Variants in NLRC5 observed in about 807,000 individuals in gnomAD.
NLRC5 encodes the protein protein NLRC5.
Under a neutral mutation model 206.9 loss-of-function variants are expected in NLRC5, and 114 were observed. The ratio of observed to expected loss-of-function variants is 0.55; its 90% confidence interval spans 0.47 to 0.64. The LOEUF (loss-of-function observed/expected upper bound fraction) is 0.64. Among genes scored for constraint, NLRC5 ranks in the 30% least tolerant of loss-of-function variants. The pLI is 0.00. For synonymous variants in NLRC5, 952 were observed against 962.8 expected (o/e 0.99, Z 0.21); for missense variants, 2,008 against 2,305.5 (o/e 0.87, Z 2.64).
intron 20 of NLRC5, among the ~76,000 whole-genome samples, chr16:57,045,067 T>C (rs1331686324): frequency 3.3e-5 from 5 of 151,712 alleles, no homozygotes; most frequent in Non-Finnish European, 7.4e-5. Flanking sequence ...TAGACAGTCA[T>C]GGTGGGGCGT....
chr16:57,066,664 G>C, intron 34 of NLRC5, 50 bp downstream of exon 34: 1 of 1,503,718 alleles, frequency 6.7e-7, no homozygotes, highest in Non-Finnish European at 9.2e-7. Flanking sequence ...GTTGGGGAGG[G>C]GGCAGGGCTG....
At chr16:57,016,463 A>G (rs1281817287) in intron 1 of NLRC5, among the ~76,000 whole-genome samples, 2 of 152,110 alleles carry the variant, frequency 1.3e-5, no homozygotes, top group African/African-American at 4.8e-5. Flanking sequence ...CATTTCCTCC[A>G]TGTACTCTGT....
At chr16:56,990,959 G>A (rs2056752401) in intron 1 of NLRC5, 1 of 152,160 alleles carries the variant, frequency 6.6e-6, no homozygotes, top group Non-Finnish European at 1.5e-5. Flanking sequence ...ACCTGCACAT[G>A]GTGTGGACGG....
chr16:57,077,187 T>A (rs1332969253), intron 40 of NLRC5, 109 bp from the exon 41 acceptor site: 2 of 955,294 alleles, frequency 2.1e-6, no homozygotes, highest in Non-Finnish European at 1.7e-6. Flanking sequence ...GGGCTCTCTG[T>A]GTGAGTCGAG....
chr16:57,016,421 A>G (rs560065498), intron 1 of NLRC5, among the ~76,000 whole-genome samples: 1 of 152,206 alleles, frequency 6.6e-6, no homozygotes, highest in Non-Finnish European at 1.5e-5. Context: ...CAGAGACACA[A>G]TCAGAGCACA....
At chr16:57,052,066 T>C (rs2064993036) in intron 24 of NLRC5, among the ~76,000 whole-genome samples, 1 of 152,110 alleles carries the variant, frequency 6.6e-6, no homozygotes, top group Admixed American at 6.5e-5. Context: ...CCTGTACTTA[T>C]CACATGCTGC....
intron 48 of NLRC5, 122 bp downstream of exon 48, chr16:57,081,732 C>T: frequency 1.3e-6 from 1 of 772,080 alleles, no homozygotes; most frequent in Admixed American, 2.5e-5. Flanking sequence ...GAGACTTGGA[C>T]CACTCCACCA....
intron 26 of NLRC5, 30 bp from the exon 27 acceptor site, chr16:57,055,403 C>G: frequency 1.2e-6 from 2 of 1,606,154 alleles, no homozygotes; most frequent in Non-Finnish European, 1.7e-6. Context: ...AACGCCCCAT[C>G]CCCTGCTTGT....
Position 57,067,919 on chromosome 16 carries a change from C to T in NLRC5, c.4499+91C>T, listed in dbSNP as rs115760458. On this transcript the variant is annotated intron_variant, in intron 36 of 48. Coordinates refer to ENST00000688547, the MANE Select transcript of NLRC5 (RefSeq NM_001384950.1). ...TTCCCAGCCCTGGGCTCAGAGGACT[C>T]TTACTCTGTGTCTTACTCTGTGGAC... 1.4e-3 allele frequency: 1,462 copies of T among 1,025,422 alleles called. 16 individuals are homozygous for T. The African/African-American group carries it at 0.021, about 14-fold the overall frequency. The allele number at this position is 1,025,422 out of a possible 1,614,324, so 63.5% of individuals were successfully genotyped here.
rs55857123 is a variant in NLRC5, at chr16:57,037,324, C to A, written c.2801+40C>A. The A allele has an allele frequency of 9.1e-6, 14 of 1,542,254 alleles. No homozygotes were observed. The Admixed American group carries it at 1.3e-4, about 15-fold the overall frequency. ...AGACCACGGTACCCATCCCCCCCCC[C>A]ATCATGCTCTCTCTGAAGCCCTTGG... On this transcript the variant is annotated intron_variant, in intron 15 of 48. Coordinates refer to ENST00000688547, the MANE Select transcript of NLRC5 (RefSeq NM_001384950.1).
intron 19 of NLRC5, 127 bp downstream of exon 19, chr16:57,042,192 A>C: frequency 1.9e-6 from 1 of 536,272 alleles, no homozygotes; most frequent in Non-Finnish European, 3.1e-6. Context: ...TGCCCCTAAT[A>C]CAATGTAAGT....
chr16:57,018,535 G>C (rs2142870605), intron 2 of NLRC5, among the ~76,000 whole-genome samples: 1 of 152,304 alleles, frequency 6.6e-6, no homozygotes, highest in South Asian at 2.1e-4. Context: ...CAGTTGAGGA[G>C]AAATGACCAG....
At chr16:57,033,724 C>G in intron 12 of NLRC5, 55 bp downstream of exon 12, 1 of 1,532,478 alleles carries the variant, frequency 6.5e-7, no homozygotes. Flanking sequence ...GGGGAAAGTC[C>G]GAGGCAAGGG....
At position 57,025,403 on chromosome 16, in the gene NLRC5, T is replaced by A; in HGVS notation, c.460T>A (p.Ser154Thr). Residue 154 changes from serine to threonine, a missense_variant, in exon 6 of 49, where the codon TCT becomes ACT. Ser to Thr is a moderately conservative substitution (Grantham distance 58, BLOSUM62 1). Coordinates refer to ENST00000688547, the MANE Select transcript of NLRC5 (RefSeq NM_001384950.1). ...AKKYLQLLRT[S>T]AQQRYRSQIP... is the part of the protein sequence containing the mutation. The stretch of plus-strand genomic sequence containing the variant: ...GAAGTACCTGCAGCTCCTGCGGACC[T>A]CTGCCCAGCAGCGCTACAGGAGCCA... The A allele has an allele frequency of 6.4e-7, 1 of 1,554,722 alleles. No individual in the cohort carries two copies. Among genetic ancestry groups the A allele is most frequent in the South Asian group, 1.2e-5 (1 of 81,552 alleles).
intron 32 of NLRC5, chr16:57,062,574 G>A (rs1190015624): frequency 6.3e-6 from 1 of 157,978 alleles, no homozygotes; most frequent in African/African-American, 2.4e-5. Flanking sequence ...GTCATGGCAC[G>A]TGTTCCTCTA....
intron 43 of NLRC5, among the ~76,000 whole-genome samples, chr16:57,078,471 T>G (rs1004637132): frequency 1.6e-5 from 2 of 124,356 alleles, no homozygotes; most frequent in African/African-American, 5.9e-5. Flanking sequence ...ACCTTGTTTT[T>G]TTTTTTTTTT....
At chr16:57,060,568 C>T (rs1313334938) in intron 30 of NLRC5, among the ~76,000 whole-genome samples, 1 of 151,602 alleles carries the variant, frequency 6.6e-6, no homozygotes, top group Non-Finnish European at 1.5e-5. Context: ...AAAACAAACC[C>T]CCCACATACA....
chr16:57,067,681 A>G (rs1162603297), intron 35 of NLRC5, 55 bp from the exon 36 acceptor site: 1 of 1,541,354 alleles, frequency 6.5e-7, no homozygotes, highest in African/African-American at 1.4e-5. Flanking sequence ...GGATGTGATG[A>G]CCTCTGAGGT....
chr16:57,021,011 A>C lies in NLRC5; in HGVS notation c.295+4A>C. 6.2e-7 allele frequency: 1 copy of C among 1,611,256 alleles called. No homozygotes were observed. The highest frequency in any genetic ancestry group is 8.5e-7 in the Non-Finnish European group (1 of 1,177,650). ...AGTACTTTTGGCTATGATGATGGTA[A>C]GGGCAGGTGTGAGAGACGCAAAGCA... On this transcript the variant is annotated splice_donor_region_variant and intron_variant, in intron 3 of 48. Coordinates refer to ENST00000688547, the MANE Select transcript of NLRC5 (RefSeq NM_001384950.1).
Sources: gnomAD v4.1 joint callset for allele counts (sites outside exome capture counted in the v4.1 genomes callset) on GRCh38, gnomAD v4.1.1 for gene constraint, MANE v1.5 for transcripts, NCBI Gene and HGNC (gene_info 2026-07-23, HGNC 2026-07-21) for gene names.